Variants in VWC2 observed in about 807,000 individuals in gnomAD.
The protein encoded by VWC2 is brorin.
A neutral mutation model predicts 29.8 loss-of-function variants in VWC2; 14 were observed. That is an observed-to-expected ratio of 0.47 (90% CI 0.31 to 0.74). The LOEUF is 0.74. Ranked by LOEUF, VWC2 falls within the 30% of genes least tolerant of loss-of-function variation. The pLI is 0.05. For synonymous variants in VWC2, 213 were observed against 199.0 expected, an observed-to-expected ratio of 1.07 and a Z score of -0.59; for missense variants, 457 against 459.8, an observed-to-expected ratio of 0.99 and a Z score of 0.05.
At chr7:49,831,385 A>G (rs1390370011) in intron 3 of VWC2, among the ~76,000 whole-genome samples, 1 of 152,220 alleles carries the variant, frequency 6.6e-6, no homozygotes, top group Non-Finnish European at 1.5e-5. Context: ...TCTGAACACT[A>G]GAATTCAGGA....
chr7:49,797,012 T>G (rs1788607478), intron 2 of VWC2, among the ~76,000 whole-genome samples: 2 of 152,256 alleles, frequency 1.3e-5, no homozygotes, highest in Admixed American at 1.3e-4. Context: ...CCTACTTAAT[T>G]ATTCAGAAAT....
chr7:49,913,032 T>A lies in VWC2; in HGVS notation c.*847T>A, dbSNP rs752540469. On this transcript the variant is annotated 3_prime_UTR_variant, in exon 4 of 4. Coordinates refer to ENST00000340652, the MANE Select transcript of VWC2 (RefSeq NM_198570.5). ...TAGGGGAGGAGTCCTTCGATTCTCC[T>A]AGGATAGTTAAGGAAAATCAAACTC... 6.6e-6 allele frequency: 1 copy of A among 152,312 alleles called. No individual in the cohort carries two copies. The highest frequency in any genetic ancestry group is 1.9e-4 in the East Asian group (1 of 5,188). The allele number at this position is 152,312 out of a possible 1,614,324, so 9.4% of individuals were successfully genotyped here.
chr7:49,921,041 A>C lies in VWC2; in HGVS notation c.*8856A>C, dbSNP rs1793994833. 1 of 152,262 alleles carries C rather than the reference A, an allele frequency of 6.6e-6. No individual in the cohort carries two copies. The allele number at this position is 152,262 out of a possible 1,614,324, so 9.4% of individuals were successfully genotyped here. A position where few individuals can be genotyped will look rare whatever the true frequency, so the allele number is the denominator to read the frequency against. On this transcript the variant is annotated 3_prime_UTR_variant, in exon 4 of 4. Transcript: ENST00000340652. Reference sequence around the variant, plus strand: ...ATGTCCTGTACAAATTTATTAAACAACATCAATTTTACCTAACAACTGTAA... The same window carrying C: ...ATGTCCTGTACAAATTTATTAAACACCATCAATTTTACCTAACAACTGTAA...
chr7:49,811,343 T>A (rs929149006), intron 3 of VWC2, among the ~76,000 whole-genome samples: 12 of 152,158 alleles, frequency 7.9e-5, no homozygotes, highest in African/African-American at 2.9e-4. Flanking sequence ...AGGGAAATAG[T>A]GGAGGTGATT....
At chr7:49,795,997 A>AGG (rs1219470698) in intron 2 of VWC2, among the ~76,000 whole-genome samples, 1 of 152,094 alleles carries the variant, frequency 6.6e-6, no homozygotes, top group Non-Finnish European at 1.5e-5. Context: ...AGAGGCAGAT[A>AGG]GGGGGTAGGG....
chr7:49,819,546 G>T (rs1401783409), intron 3 of VWC2, among the ~76,000 whole-genome samples: 1 of 152,226 alleles, frequency 6.6e-6, no homozygotes, highest in Non-Finnish European at 1.5e-5. Context: ...TAGGTTTGTA[G>T]TGGGGAGACC....
In VWC2 at chr7:49,775,592, C is replaced by A. The variant is rs746007258; in HGVS notation, c.157C>A (p.Arg53=). ...PGQEKREHAS[R]DGPGRVNELG... is the part of the protein sequence containing the mutation. Reference sequence around the variant, plus strand: ...CCAGGAGAAGCGTGAGCACGCCTCTCGGGACGGCCCGGGGCGGGTGAACGA... The same window carrying A: ...CCAGGAGAAGCGTGAGCACGCCTCTAGGGACGGCCCGGGGCGGGTGAACGA... Residue 53 remains arginine, a synonymous_variant, in exon 2 of 4, where the codon CGG becomes AGG. Coordinates refer to ENST00000340652, the MANE Select transcript of VWC2 (RefSeq NM_198570.5). 2 of 1,535,636 alleles carry A rather than the reference C, an allele frequency of 1.3e-6. No individual in the cohort carries two copies.
intron 3 of VWC2, among the ~76,000 whole-genome samples, chr7:49,888,812 G>GAGGC (rs1489369016): frequency 1.3e-5 from 2 of 152,152 alleles, no homozygotes; most frequent in Non-Finnish European, 2.9e-5. Flanking sequence ...TTTGGGGGCC[G>GAGGC]AGGCAGGAGA....
intron 3 of VWC2, among the ~76,000 whole-genome samples, chr7:49,812,425 C>A (rs1789036543): frequency 6.6e-6 from 1 of 152,182 alleles, no homozygotes; most frequent in Non-Finnish European, 1.5e-5. Flanking sequence ...CATCCTTTAT[C>A]TTTCCCCAGA....
At chr7:49,844,983 G>A (rs898582754) in intron 3 of VWC2, among the ~76,000 whole-genome samples, 5 of 152,078 alleles carry the variant, frequency 3.3e-5, no homozygotes, top group African/African-American at 7.2e-5. Flanking sequence ...GCACCCGGCC[G>A]GCAATTCACT....
chr7:49,881,058 G>A lies in VWC2; in HGVS notation c.827-30976G>A, dbSNP rs957030288. ...TGGGTCCCTTGGTCCATTCTCTGTT[G>A]GCCAATATCTTGCCCTATCTTGTCC... On this transcript the variant is annotated intron_variant, in intron 3 of 3. Coordinates refer to ENST00000340652, the MANE Select transcript of VWC2 (RefSeq NM_198570.5). Among the ~76,000 whole-genome samples the A allele has an allele frequency of 3.3e-5, 5 of 152,062 alleles. No individual in the cohort carries two copies. The Middle Eastern group carries it at 0.01, about 310-fold the overall frequency.
intron 3 of VWC2, among the ~76,000 whole-genome samples, chr7:49,805,034 A>G (rs560533): frequency 0.62 from 94,527 of 152,108 alleles, 30,268 homozygotes; most frequent in African/African-American, 0.72. Context: ...AGTGTGCAGA[A>G]ATGTTAAATT....
At chr7:49,801,769 T>C (rs546317401) in intron 2 of VWC2, among the ~76,000 whole-genome samples, 1 of 152,356 alleles carries the variant, frequency 6.6e-6, no homozygotes, top group South Asian at 2.1e-4. Flanking sequence ...GCCCATGGCA[T>C]GTTGCCTAAC....
intron 3 of VWC2, among the ~76,000 whole-genome samples, chr7:49,811,296 T>C (rs1184681941): frequency 6.6e-6 from 1 of 152,196 alleles, no homozygotes; most frequent in Non-Finnish European, 1.5e-5. Context: ...AAATCTCATC[T>C]TGAATTGTAT....
intron 2 of VWC2, among the ~76,000 whole-genome samples, chr7:49,788,940 TGA>T (rs1788378950): frequency 7.1e-6 from 1 of 141,792 alleles, no homozygotes; most frequent in East Asian, 2.2e-4. Flanking sequence ...TGTGAGAATA[TGA>T]GTGTGGGTGC....
intron 3 of VWC2, among the ~76,000 whole-genome samples, chr7:49,862,239 A>G (rs531882005): frequency 6.6e-6 from 1 of 152,302 alleles, no homozygotes; most frequent in African/African-American, 2.4e-5. Flanking sequence ...TGCTATTGAA[A>G]TAGAATTGCT....
At chr7:49,907,026 G>A (rs1285888738) in intron 3 of VWC2, among the ~76,000 whole-genome samples, 2 of 152,126 alleles carry the variant, frequency 1.3e-5, no homozygotes, top group East Asian at 1.9e-4. Context: ...ATAAACAATG[G>A]TGAAGGCACA....
intron 2 of VWC2, among the ~76,000 whole-genome samples, chr7:49,790,758 C>T (rs1241676391): frequency 6.6e-6 from 1 of 151,656 alleles, no homozygotes; most frequent in Non-Finnish European, 1.5e-5. Context: ...GGCCCTTCTG[C>T]TTGTCAAGTT....
At chr7:49,873,938 C>T (rs1361347487) in intron 3 of VWC2, among the ~76,000 whole-genome samples, 3 of 149,666 alleles carry the variant, frequency 2.0e-5, no homozygotes, top group African/African-American at 7.4e-5. Context: ...AAAGATGAAA[C>T]AGTATTAGTA....
Sources: gnomAD v4.1 joint callset for allele counts (sites outside exome capture counted in the v4.1 genomes callset) on GRCh38, gnomAD v4.1.1 for gene constraint, MANE v1.5 for transcripts, NCBI Gene and HGNC (gene_info 2026-07-23, HGNC 2026-07-21) for gene names.